The following SPOCD1 variants were observed in gnomAD, a reference collection of about 807,000 sequenced individuals.
SPOCD1 encodes the protein SPOC domain-containing protein 1.
SPOCD1 carries 64 observed loss-of-function variants against 92.2 expected under a neutral mutation model. That is an observed-to-expected ratio of 0.69 (90% CI 0.57 to 0.86). The LOEUF (loss-of-function observed/expected upper bound fraction) is 0.86, where lower values mean the gene tolerates loss of function less well. SPOCD1 is among the 40% of genes least tolerant of loss of function. The pLI, the probability that SPOCD1 is intolerant of heterozygous loss-of-function variation, is 0.00. For synonymous variants in SPOCD1, 578 were observed against 619.3 expected (o/e 0.93, Z 0.99); for missense variants, 1,360 against 1,543.1 (o/e 0.88, Z 1.99).
chr1:31,811,172 T>C (rs1289574583), intron 2 of SPOCD1, among the ~76,000 whole-genome samples: 1 of 152,196 alleles, frequency 6.6e-6, no homozygotes, highest in Non-Finnish European at 1.5e-5. Flanking sequence ...CATTTCTAAA[T>C]GTCTAAAGTC....
chr1:31,815,559 A>G (rs796358052), intron 1 of SPOCD1, among the ~76,000 whole-genome samples, 187 bp from the exon 2 acceptor site: 2 of 152,192 alleles, frequency 1.3e-5, no homozygotes, highest in African/African-American at 2.4e-5. Context: ...GAGGGTGGAG[A>G]GGCCTGCCTC....
chr1:31,801,428 T>C (rs1317981480), intron 3 of SPOCD1, among the ~76,000 whole-genome samples: 1 of 152,180 alleles, frequency 6.6e-6, no homozygotes, highest in Admixed American at 6.5e-5. Flanking sequence ...TAAAAGTAGG[T>C]GAGTCTGAAA....
Position 31,814,228 on chromosome 1 carries a change from T to C in SPOCD1, c.1106A>G (p.Gln369Arg). 1.3e-6 allele frequency: 2 copies of C among 1,582,292 alleles called. No homozygotes were observed. Among genetic ancestry groups the C allele is most frequent in the Non-Finnish European group, 1.7e-6 (2 of 1,163,646 alleles). The change falls in exon 2 of 16, where the codon CAG (glutamine) becomes CGG (arginine). Residue 369 changes from glutamine (Q) to arginine (R), a missense_variant. By Grantham distance (43) the Gln-to-Arg change is conservative (BLOSUM62 1). Coordinates refer to ENST00000360482, the MANE Select transcript of SPOCD1 (RefSeq NM_144569.7). The surrounding 1 kb of genome is among the most constrained non-coding windows in gnomAD (Gnocchi z 4.2). ...CTCCAGCCTTCCCCTGGAAGCTGGC[T>C]GAGCCTTGGCCTCCAGCTCCTCCTG... ...QDQEELEAKA[Q>R]PASRGRLEQG...
intron 10 of SPOCD1, 51 bp from the exon 11 acceptor site, chr1:31,794,286 C>CGGAGGCCCCCTACCCAT: frequency 1.4e-6 from 2 of 1,439,900 alleles, no homozygotes; most frequent in Non-Finnish European, 1.9e-6. Flanking sequence ...TGGGGGTGCC[C>CGGAGGCCCCCTACCCAT]GGAGGCCTCC....
Position 31,798,962 on chromosome 1 carries a change from G to C in SPOCD1, c.1869-361C>G, listed in dbSNP as rs1291592868. On this transcript the variant is annotated intron_variant, in intron 7 of 15. Transcript: ENST00000360482. The surrounding 1 kb of genome is among the most constrained non-coding windows in gnomAD (Gnocchi z 4.1). Reference sequence around the variant, plus strand: ...CCGGGGTCAGGTCAGAGTAAGGCAGGAGTCAGGGGGAGAGAATGGAGCCCT... The same window carrying C: ...CCGGGGTCAGGTCAGAGTAAGGCAGCAGTCAGGGGGAGAGAATGGAGCCCT... 1.9e-6 allele frequency: 1 copy of C among 539,328 alleles called. No individual in the cohort carries two copies. The highest frequency in any genetic ancestry group is 1.9e-5 in the African/African-American group (1 of 52,252). The allele number at this position is 539,328 out of a possible 1,614,324, so 33.4% of individuals were successfully genotyped here. A position where few individuals can be genotyped will look rare whatever the true frequency, so the allele number is the denominator to read the frequency against.
chr1:31,812,345 T>A (rs1348829022), intron 2 of SPOCD1, among the ~76,000 whole-genome samples: 1 of 152,112 alleles, frequency 6.6e-6, no homozygotes, highest in Admixed American at 6.6e-5. Context: ...CCAGCCCTCA[T>A]CCCGACAGCG....
At chr1:31,811,379 A>C (rs1279344151) in intron 2 of SPOCD1, among the ~76,000 whole-genome samples, 2 of 151,942 alleles carry the variant, frequency 1.3e-5, no homozygotes, top group African/African-American at 4.8e-5. Flanking sequence ...AATCCCTTGA[A>C]ACCAGGAGGC....
Position 31,798,118 on chromosome 1 carries a change from C to T in SPOCD1, c.2145+89G>A. The stretch of plus-strand genomic sequence containing the variant: ...CTTTCTGAATTCCTCCTCCCTCCCT[C>T]CCTGTCTCTGTCTCTCCCTCTTCCA... On this transcript the variant is annotated intron_variant, in intron 9 of 15. Coordinates refer to ENST00000360482, the MANE Select transcript of SPOCD1 (RefSeq NM_144569.7). This position sits in a 1 kb window ranked among gnomAD's most constrained non-coding sequence, Gnocchi z 4.1. 1.0e-6 allele frequency: 1 copy of T among 965,578 alleles called. No individual in the cohort carries two copies. The highest frequency in any genetic ancestry group is 1.7e-5 in the Admixed American group (1 of 57,522). The allele number at this position is 965,578 out of a possible 1,614,324, so 59.8% of individuals were successfully genotyped here.
At chr1:31,805,551 C>A (rs1026250067) in intron 2 of SPOCD1, among the ~76,000 whole-genome samples, 1 of 152,000 alleles carries the variant, frequency 6.6e-6, no homozygotes, top group African/African-American at 2.4e-5. Flanking sequence ...CACAGCCAGA[C>A]CCTGGCCCTA....
chr1:31,798,691 G>T lies in SPOCD1; in HGVS notation c.1869-90C>A. ...AGGGAGGCAGCTGGGTGGGCGGCAG[G>T]GTCTGGGCCAACTTGTTCCTGTCGT... is the stretch of plus-strand genomic sequence containing the variant. On this transcript the variant is annotated intron_variant, in intron 7 of 15. Transcript: ENST00000360482. This position sits in a 1 kb window ranked among gnomAD's most constrained non-coding sequence, Gnocchi z 4.1. 1.4e-6 allele frequency: 2 copies of T among 1,444,192 alleles called. No individual in the cohort carries two copies. The highest frequency in any genetic ancestry group is 1.9e-6 in the Non-Finnish European group (2 of 1,067,404). The allele number at this position is 1,444,192 out of a possible 1,614,324, so 89.5% of individuals were successfully genotyped here. A position where few individuals can be genotyped will look rare whatever the true frequency, so the allele number is the denominator to read the frequency against.
At position 31,796,660 on chromosome 1, in the gene SPOCD1, T is replaced by A. The variant is rs1418914409; in HGVS notation, c.2201A>T (p.Lys734Ile). 3.7e-6 allele frequency: 6 copies of A among 1,614,236 alleles called. No individual in the cohort carries two copies. Among genetic ancestry groups the A allele is most frequent in the Non-Finnish European group, 5.1e-6 (6 of 1,180,044 alleles). ...CTCCACTTCGCCCTTGTGGGTCATT[T>A]TGGAGGCTGGAAGTCTGCACGGCTC... ...QKEPCRLPAS[K>I]MTHKGEVEIQ... The change falls in exon 10 of 16, where the codon AAA (lysine) becomes ATA (isoleucine). Residue 734 changes from lysine (K) to isoleucine (I), a missense_variant. By Grantham distance (102) the Lys-to-Ile change is moderately radical (BLOSUM62 -3). Transcript: ENST00000360482.
In SPOCD1 at chr1:31,798,432, C is replaced by T. The variant is rs1233257392; in HGVS notation, c.2028+10G>A. 1.6e-5 allele frequency: 25 copies of T among 1,602,430 alleles called. No homozygotes were observed. Among genetic ancestry groups the T allele is most frequent in the Non-Finnish European group, 2.0e-5 (24 of 1,173,542 alleles). ...AGAGGGGACGCAGCCCAGCCCAAAGCCCTGCTCACCAGGTTCCTGGGGTCC... is the reference window on the plus strand; with the variant it reads ...AGAGGGGACGCAGCCCAGCCCAAAGTCCTGCTCACCAGGTTCCTGGGGTCC... On this transcript the variant is annotated intron_variant, in intron 8 of 15. Coordinates refer to ENST00000360482, the MANE Select transcript of SPOCD1 (RefSeq NM_144569.7). This position sits in a 1 kb window ranked among gnomAD's most constrained non-coding sequence, Gnocchi z 4.1.
In SPOCD1 at chr1:31,814,782, G is replaced by A. The variant is rs1649444027; in HGVS notation, c.552C>T (p.Leu184=). ...SPGCDRRSPT[L]SKEEPPGRPL... ...GCCTTCCAGGGGGCTCCTCTTTGCT[G>A]AGTGTGGGGCTTCTTCTGTCACACC... The change falls in exon 2 of 16, where the codon CTC becomes CTT. Residue 184 remains leucine (L), a synonymous_variant. Coordinates refer to ENST00000360482, the MANE Select transcript of SPOCD1 (RefSeq NM_144569.7). This position sits in a 1 kb window ranked among gnomAD's most constrained non-coding sequence, Gnocchi z 4.2. 9 of 1,613,580 alleles carry A rather than the reference G, an allele frequency of 5.6e-6. No individual in the cohort carries two copies. The East Asian group carries it at 1.8e-4, about 32-fold the overall frequency.
At chr1:31,804,069 A>ATTT (rs1648652844) in intron 2 of SPOCD1, among the ~76,000 whole-genome samples, 1 of 152,220 alleles carries the variant, frequency 6.6e-6, no homozygotes, top group African/African-American at 2.4e-5. Context: ...GGAAATTCAT[A>ATTT]CCTAGACACA....
At position 31,814,597 on chromosome 1, in the gene SPOCD1, A is replaced by G. The variant is rs527644479; in HGVS notation, c.737T>C (p.Val246Ala). ...GCCTCCCAAGGACTCCAGGTCAGCAACTTGGGGAGGGTCTCCCACAGACAG... is the reference window on the plus strand; with the variant it reads ...GCCTCCCAAGGACTCCAGGTCAGCAGCTTGGGGAGGGTCTCCCACAGACAG... ...NLLSVGDPPQ[V>A]ADLESLGGPC... Residue 246 changes from valine (V) to alanine (A), a missense_variant, in exon 2 of 16, where the codon GTT becomes GCT. Around this residue, in one of 3 missense-constraint regions of SPOCD1, gnomAD observed 606 missense variants for 601.5 expected, o/e 1.01. Transcript: ENST00000360482. The surrounding 1 kb of genome is among the most constrained non-coding windows in gnomAD (Gnocchi z 4.2). The G allele has an allele frequency of 3.3e-6, 5 of 1,529,118 alleles. No homozygotes were observed. In the South Asian group the frequency reaches 5.2e-5, roughly 16 times the overall value. The allele number at this position is 1,529,118 out of a possible 1,614,324, so 94.7% of individuals were successfully genotyped here.
intron 2 of SPOCD1, among the ~76,000 whole-genome samples, chr1:31,806,696 C>T (rs1333959904): frequency 3.3e-5 from 5 of 151,972 alleles, no homozygotes; most frequent in Non-Finnish European, 7.4e-5. Context: ...CAGGTGCCCA[C>T]CACCACGCCT....
At chr1:31,811,765 C>G (rs760461107) in intron 2 of SPOCD1, among the ~76,000 whole-genome samples, 2 of 152,210 alleles carry the variant, frequency 1.3e-5, no homozygotes, top group Non-Finnish European at 1.5e-5. Context: ...ATTCTTCTCC[C>G]GCAGCTGGTA....
At chr1:31,807,396 GA>G (rs1648894840) in intron 2 of SPOCD1, among the ~76,000 whole-genome samples, 1 of 2,280 alleles carries the variant, frequency 4.4e-4, no homozygotes, top group Non-Finnish European at 1.7e-3. Context: ...CTCAAAAGGG[GA>G]GGGGAGGGGA....
At chr1:31,800,767 C>A in intron 3 of SPOCD1, 150 bp from the exon 4 acceptor site, 1 of 696,036 alleles carries the variant, frequency 1.4e-6, no homozygotes, top group Middle Eastern at 4.2e-4. Context: ...CTGGTCCCCG[C>A]TGTATTTGCA....
Sources: allele counts gnomAD v4.1 joint callset (sites outside exome capture counted in the v4.1 genomes callset), GRCh38; gene constraint gnomAD v4.1.1; regional missense constraint gnomAD v4.1.1; non-coding constraint Gnocchi (gnomAD v3.1); transcripts MANE v1.5; gene names NCBI Gene and HGNC (gene_info 2026-07-23, HGNC 2026-07-21).